EHBP1: variants seen among roughly 807,000 people sequenced by gnomAD.
EHBP1 encodes the protein EH domain binding protein 1.
In EHBP1, 55 loss-of-function variants were observed where a neutral mutation model predicts 144.0. The observed-to-expected ratio is 0.38, with a 90% CI of 0.31 to 0.48. The LOEUF (loss-of-function observed/expected upper bound fraction) is 0.48. EHBP1 is among the 20% of genes least tolerant of loss of function. The pLI, the probability that EHBP1 is intolerant of heterozygous loss-of-function variation, is 0.98. For synonymous variants in EHBP1, 469 were observed against 472.7 expected (o/e 0.99, Z 0.10); for missense variants, 1,200 against 1,364.2 (o/e 0.88, Z 1.90).
intron 10 of EHBP1, among the ~76,000 whole-genome samples, chr2:62,934,764 A>G (rs1433787343): frequency 2.0e-5 from 3 of 152,210 alleles, no homozygotes; most frequent in Non-Finnish European, 1.5e-5. Flanking sequence ...CAATAGGGAT[A>G]TGTAGTTTAT....
intron 9 of EHBP1, among the ~76,000 whole-genome samples, chr2:62,872,541 A>ATC (rs1287238676): frequency 6.6e-6 from 1 of 152,154 alleles, no homozygotes; most frequent in African/African-American, 2.4e-5. Context: ...ACACAATACT[A>ATC]TCTCTGTACA....
chr2:62,729,595 TATA>T (rs1426935384), intron 2 of EHBP1, among the ~76,000 whole-genome samples: 14 of 129,460 alleles, frequency 1.1e-4, no homozygotes, highest in Admixed American at 2.7e-4. Context: ...TAATAATATA[TATA>T]ATAATAAATA....
chr2:63,007,174 T>C (rs1478295405), intron 19 of EHBP1, among the ~76,000 whole-genome samples: 1 of 151,896 alleles, frequency 6.6e-6, no homozygotes, highest in Non-Finnish European at 1.5e-5. Flanking sequence ...TTACCAACTT[T>C]AATGGGATAA....
chr2:62,707,072 C>T lies in EHBP1; in HGVS notation c.-120C>T, dbSNP rs2034663764. ...GACTTATGGACCCCAAGCATCATTTCGAGTTGTAGTTGAGTTTTTAAAAGA... is the reference window on the plus strand; with the variant it reads ...GACTTATGGACCCCAAGCATCATTTTGAGTTGTAGTTGAGTTTTTAAAAGA... On this transcript the variant is annotated 5_prime_UTR_variant, in exon 2 of 23. Coordinates refer to ENST00000431489, the MANE Select transcript of EHBP1 (RefSeq NM_001142616.3). 2.8e-6 allele frequency: 2 copies of T among 703,386 alleles called. No homozygotes were observed. The highest frequency in any genetic ancestry group is 2.2e-5 in the Admixed American group (1 of 46,346). 43.6% of individuals were successfully genotyped at this position (703,386 alleles called of 1,614,324 possible).
intron 9 of EHBP1, among the ~76,000 whole-genome samples, chr2:62,868,222 A>G (rs2050190278): frequency 6.6e-6 from 1 of 152,256 alleles, no homozygotes; most frequent in African/African-American, 2.4e-5. Context: ...TAAAAAAAAT[A>G]CAAAAACTTA....
At chr2:62,828,092 A>G (rs1377245398) in intron 6 of EHBP1, among the ~76,000 whole-genome samples, 1 of 152,222 alleles carries the variant, frequency 6.6e-6, no homozygotes, top group Non-Finnish European at 1.5e-5. Flanking sequence ...CACTAAATTT[A>G]TTTTAAAAAG....
intron 10 of EHBP1, among the ~76,000 whole-genome samples, chr2:62,889,918 C>T (rs1426913549): frequency 6.7e-6 from 1 of 150,256 alleles, no homozygotes; most frequent in African/African-American, 2.4e-5. Flanking sequence ...CTTAGGATTG[C>T]CTTCGCTATT....
intron 2 of EHBP1, among the ~76,000 whole-genome samples, chr2:62,739,476 C>A (rs1241266315): frequency 6.6e-6 from 1 of 151,322 alleles, no homozygotes; most frequent in African/African-American, 2.4e-5. Flanking sequence ...ACATGTGAGG[C>A]TTCTTCCAAT....
chr2:62,844,792 G>T (rs1042840639), intron 7 of EHBP1, among the ~76,000 whole-genome samples: 11 of 152,294 alleles, frequency 7.2e-5, no homozygotes, highest in African/African-American at 2.6e-4. Context: ...TATTCTTAAA[G>T]TTTGTTGTGT....
At chr2:62,777,541 C>G (rs764477827) in intron 5 of EHBP1, among the ~76,000 whole-genome samples, 4 of 151,730 alleles carry the variant, frequency 2.6e-5, no homozygotes, top group Non-Finnish European at 5.9e-5. Flanking sequence ...TTGGGATCAT[C>G]TTATATCTAG....
intron 19 of EHBP1, among the ~76,000 whole-genome samples, chr2:63,025,557 C>G (rs2060940088): frequency 6.6e-6 from 1 of 152,140 alleles, no homozygotes; most frequent in South Asian, 2.1e-4. Flanking sequence ...GGCTCTGGCC[C>G]TTTTTAAATG....
At chr2:62,757,269 C>T (rs1291311010) in intron 3 of EHBP1, among the ~76,000 whole-genome samples, 1 of 151,944 alleles carries the variant, frequency 6.6e-6, no homozygotes, top group Non-Finnish European at 1.5e-5. Context: ...GCTGGAGAGG[C>T]GTGCACCACC....
intron 10 of EHBP1, among the ~76,000 whole-genome samples, chr2:62,892,084 G>T (rs900756004): frequency 3.3e-5 from 5 of 152,100 alleles, no homozygotes; most frequent in Non-Finnish European, 5.9e-5. Flanking sequence ...GAATTCAAGA[G>T]AATTTTTTAT....
chr2:63,001,527 AAATC>A (rs1237769238), intron 19 of EHBP1, among the ~76,000 whole-genome samples: 1 of 152,202 alleles, frequency 6.6e-6, no homozygotes, highest in Non-Finnish European at 1.5e-5. Flanking sequence ...CAAAAAATAA[AAATC>A]AAGATGACAG....
chr2:62,997,869 G>A (rs866011048), intron 19 of EHBP1, among the ~76,000 whole-genome samples: 19 of 152,134 alleles, frequency 1.2e-4, no homozygotes, highest in Admixed American at 2.6e-4. Flanking sequence ...ATCTTCAGAG[G>A]CACCTCAGGG....
In EHBP1 at chr2:63,038,768, C is replaced by T. The variant is rs765881218; in HGVS notation, c.3229C>T (p.Arg1077Trp). 1.4e-5 allele frequency: 23 copies of T among 1,613,298 alleles called. No individual in the cohort carries two copies. The highest frequency in any genetic ancestry group is 3.3e-5 in the South Asian group (3 of 91,034). ...LLEKEHDLER[R>W]YELLNRELRA... is the part of the protein sequence containing the mutation. ...GGAAAAAGAACATGATTTAGAACGA[C>T]GGTATGAGCTGCTGAACCGGGAATT... Residue 1077 changes from arginine (R) to tryptophan (W), a missense_variant, in exon 21 of 23, where the codon CGG becomes TGG. This residue lies in a region of EHBP1 where 149 missense variants were observed against 217.0 expected (regional missense o/e 0.69). Transcript: ENST00000431489.
intron 18 of EHBP1, among the ~76,000 whole-genome samples, chr2:62,995,814 A>G (rs2059606364): frequency 6.6e-6 from 1 of 152,104 alleles, no homozygotes; most frequent in African/African-American, 2.4e-5. Flanking sequence ...TAAATTTGTA[A>G]TATGATTGTA....
At chr2:63,011,592 G>A (rs1235346922) in intron 19 of EHBP1, among the ~76,000 whole-genome samples, 1 of 151,786 alleles carries the variant, frequency 6.6e-6, no homozygotes, top group African/African-American at 2.4e-5. Flanking sequence ...AGCAATCTTG[G>A]TATTACAAGT....
chr2:62,902,828 T>G (rs1347478873), intron 10 of EHBP1, among the ~76,000 whole-genome samples: 1 of 152,226 alleles, frequency 6.6e-6, no homozygotes, highest in Non-Finnish European at 1.5e-5. Context: ...CATTATATTT[T>G]GCTTTGTTTC....
Sources: gnomAD v4.1 joint callset for allele counts (sites outside exome capture counted in the v4.1 genomes callset) on GRCh38, gnomAD v4.1.1 for gene constraint, gnomAD v4.1.1 regional missense constraint, MANE v1.5 for transcripts, NCBI Gene and HGNC (gene_info 2026-07-23, HGNC 2026-07-21) for gene names.